Variants in RPS6KA5 observed in about 807,000 individuals in gnomAD.
RPS6KA5 encodes the protein ribosomal protein S6 kinase alpha-5.
RPS6KA5 carries 27 observed loss-of-function variants against 85.5 expected under a neutral mutation model. The ratio of observed to expected loss-of-function variants is 0.32; its 90% CI spans 0.23 to 0.44. The LOEUF (loss-of-function observed/expected upper bound fraction) is 0.44, where lower values mean the gene tolerates loss of function less well. Among genes scored for constraint, RPS6KA5 ranks in the 20% least tolerant of loss-of-function variants. The probability of loss-of-function intolerance (pLI) is 1.00; values close to 1 mark genes in which losing one functional copy is unlikely to be tolerated. For synonymous variants in RPS6KA5, 334 were observed against 348.2 expected, an observed-to-expected ratio of 0.96 and a Z score of 0.46; for missense variants, 811 against 980.9, an observed-to-expected ratio of 0.83 and a Z score of 2.31.
chr14:90,955,326 G>A (rs1269667584), intron 3 of RPS6KA5, among the ~76,000 whole-genome samples: 1 of 152,044 alleles, frequency 6.6e-6, no homozygotes, highest in African/African-American at 2.4e-5. Flanking sequence ...GCAGTGCAGT[G>A]GTGTGATCAT....
chr14:91,052,694 G>T (rs113268144), intron 1 of RPS6KA5, among the ~76,000 whole-genome samples: 2,367 of 149,882 alleles, frequency 0.016, 59 homozygotes, highest in African/African-American at 0.055. Flanking sequence ...TTAGCTGGGC[G>T]TGGTGGCAGG....
intron 3 of RPS6KA5, among the ~76,000 whole-genome samples, chr14:90,957,807 A>C (rs1372754412): frequency 2.0e-5 from 3 of 151,382 alleles, no homozygotes. Flanking sequence ...GCTTACCACC[A>C]AAATTTCCTT....
intron 1 of RPS6KA5, among the ~76,000 whole-genome samples, chr14:91,022,111 T>C (rs1207281378): frequency 6.6e-6 from 1 of 152,244 alleles, no homozygotes; most frequent in Non-Finnish European, 1.5e-5. Flanking sequence ...ATATGTGGTA[T>C]GCGTGTTTCA....
chr14:90,954,283 T>C (rs2038387732), intron 3 of RPS6KA5, among the ~76,000 whole-genome samples: 1 of 152,242 alleles, frequency 6.6e-6, no homozygotes, highest in African/African-American at 2.4e-5. Flanking sequence ...TAAGTTAGTG[T>C]TTCTTTCTCC....
At chr14:90,993,480 G>GAAC (rs201667401) in intron 2 of RPS6KA5, among the ~76,000 whole-genome samples, 4 of 152,012 alleles carry the variant, frequency 2.6e-5, no homozygotes, top group South Asian at 2.1e-4. Flanking sequence ...GTCTCAAAAA[G>GAAC]AACAACAACA....
chr14:90,890,138 T>C (rs1848521302), intron 14 of RPS6KA5, among the ~76,000 whole-genome samples: 1 of 152,188 alleles, frequency 6.6e-6, no homozygotes, highest in South Asian at 2.1e-4. Flanking sequence ...TTCACAGAAG[T>C]TTTTTAAAAA....
At chr14:90,915,002 C>T (rs1201470545) in intron 7 of RPS6KA5, among the ~76,000 whole-genome samples, 1 of 151,972 alleles carries the variant, frequency 6.6e-6, no homozygotes, top group Non-Finnish European at 1.5e-5. Context: ...AGAATAAACC[C>T]CCAGCAAACT....
intron 1 of RPS6KA5, among the ~76,000 whole-genome samples, chr14:91,035,050 G>T (rs866923196): frequency 6.6e-6 from 1 of 151,972 alleles, no homozygotes; most frequent in Non-Finnish European, 1.5e-5. Flanking sequence ...TAGAACACAA[G>T]GAAACAGAAT....
At chr14:90,964,466 G>C (rs2038958263) in intron 3 of RPS6KA5, among the ~76,000 whole-genome samples, 1 of 152,130 alleles carries the variant, frequency 6.6e-6, no homozygotes, top group South Asian at 2.1e-4. Context: ...AATGCTTTTT[G>C]ACTGTGAGCA....
At chr14:90,961,440 G>A (rs1350453903) in intron 3 of RPS6KA5, among the ~76,000 whole-genome samples, 2 of 152,110 alleles carry the variant, frequency 1.3e-5, no homozygotes, top group African/African-American at 2.4e-5. Context: ...TGCTTTTGAG[G>A]AGCAGCCTCA....
At chr14:90,926,065 G>GAATT (rs2036650787) in intron 5 of RPS6KA5, among the ~76,000 whole-genome samples, 1 of 151,948 alleles carries the variant, frequency 6.6e-6, no homozygotes, top group Non-Finnish European at 1.5e-5. Context: ...AAGAAAGACA[G>GAATT]TAAATTAGAG....
chr14:90,920,735 A>G (rs2036363049), intron 6 of RPS6KA5, among the ~76,000 whole-genome samples: 1 of 151,898 alleles, frequency 6.6e-6, no homozygotes, highest in African/African-American at 2.4e-5. Context: ...AACTGCCTAA[A>G]TCAATTTTTC....
intron 3 of RPS6KA5, among the ~76,000 whole-genome samples, chr14:90,961,886 T>C (rs28617257): frequency 0.011 from 1,606 of 152,284 alleles, 12 homozygotes; most frequent in South Asian, 0.034. Context: ...TAAGAGGTTA[T>C]CATTTTAACC....
chr14:90,925,941 CAAAAAAAAAAAAA>C (rs71117389), intron 5 of RPS6KA5, among the ~76,000 whole-genome samples: 2 of 73,494 alleles, frequency 2.7e-5, no homozygotes, highest in South Asian at 5.0e-4. Context: ...GACCCTGACT[CAAAAAAAAAAAAA>C]AAAAAAAAGA....
chr14:90,934,213 G>A (rs999140520), intron 5 of RPS6KA5, among the ~76,000 whole-genome samples: 5 of 152,118 alleles, frequency 3.3e-5, no homozygotes, highest in Non-Finnish European at 4.4e-5. Context: ...TGGATCACAG[G>A]AGACATTCAA....
rs1171756269 is a variant in RPS6KA5 at position 90,912,065 on chromosome 14, C to G, written c.807-5766G>C. On this transcript the variant is annotated intron_variant, in intron 7 of 16. Transcript: ENST00000614987. ...TGAATGCTTCCCTGACAGCCCACCC[C>G]CAGGGAACCAAACCTCCTTTGTCCT... is the stretch of plus-strand genomic sequence containing the variant. Among the ~76,000 whole-genome samples the G allele has an allele frequency of 2.0e-5, 3 of 152,124 alleles. No individual in the cohort carries two copies. The East Asian group carries it at 5.8e-4, about 29-fold the overall frequency.
rs151077405 is a variant in RPS6KA5 at position 90,979,724 on chromosome 14, G to A, written c.176-1200C>T. ...ATTTATTAAGGACTTGCCGATGCCC[G>A]GCTCTGCACTAAACATATCGATTCA... On this transcript the variant is annotated intron_variant, in intron 2 of 16. Transcript: ENST00000614987. 4.1e-3 allele frequency among the ~76,000 whole-genome samples: 624 copies of A among 152,330 alleles called. 5 individuals carry two copies. Among genetic ancestry groups the A allele is most frequent in the African/African-American group, 0.014 (564 of 41,570 alleles).
At chr14:91,004,181 G>C (rs1316997093) in intron 1 of RPS6KA5, among the ~76,000 whole-genome samples, 1 of 152,150 alleles carries the variant, frequency 6.6e-6, no homozygotes, top group Non-Finnish European at 1.5e-5. Context: ...CGCCTCCCGG[G>C]TTCACGCCAT....
chr14:90,963,878 TTGGC>T (rs1226235182), intron 3 of RPS6KA5, among the ~76,000 whole-genome samples: 3 of 152,182 alleles, frequency 2.0e-5, no homozygotes, highest in Non-Finnish European at 2.9e-5. Flanking sequence ...ATTATTTGGC[TTGGC>T]TGGTGCACAG....
Sources: allele counts gnomAD v4.1 joint callset (sites outside exome capture counted in the v4.1 genomes callset), GRCh38; gene constraint gnomAD v4.1.1; transcripts MANE v1.5; gene names NCBI Gene and HGNC (gene_info 2026-07-23, HGNC 2026-07-21).